ARHGEF10: variants seen among roughly 807,000 people sequenced by gnomAD.
The protein encoded by ARHGEF10 is Rho guanine nucleotide exchange factor (GEF) 10.
ARHGEF10 carries 140 observed loss-of-function variants against 147.4 expected under a neutral mutation model. The ratio of observed to expected loss-of-function variants is 0.95; its 90% CI spans 0.83 to 1.09. The LOEUF is 1.09. Among genes scored for constraint, ARHGEF10 ranks in the 50% least tolerant of loss-of-function variants. ARHGEF10 has a pLI of 0.00. For synonymous variants in ARHGEF10, 902 were observed against 695.8 expected (o/e 1.30, Z -4.67); for missense variants, 2,222 against 1,752.7 (o/e 1.27, Z -4.78).
At chr8:1,842,239 G>C (rs1275423160) in intron 1 of ARHGEF10, among the ~76,000 whole-genome samples, 1 of 152,080 alleles carries the variant, frequency 6.6e-6, no homozygotes, top group Non-Finnish European at 1.5e-5. Context: ...GGGAATACAG[G>C]AGGTGCCGCA....
intron 17 of ARHGEF10, among the ~76,000 whole-genome samples, chr8:1,908,502 G>C (rs920142939): frequency 6.6e-6 from 1 of 152,118 alleles, no homozygotes; most frequent in Non-Finnish European, 1.5e-5. Flanking sequence ...AAAGTGCTGG[G>C]ATTACAGGCG....
chr8:1,901,825 G>A (rs573744865), intron 15 of ARHGEF10, among the ~76,000 whole-genome samples: 1 of 152,092 alleles, frequency 6.6e-6, no homozygotes, highest in Non-Finnish European at 1.5e-5. Flanking sequence ...CAAATGTATA[G>A]AATAGTTTAT....
intron 28 of ARHGEF10, among the ~76,000 whole-genome samples, chr8:1,953,969 C>A (rs1274955684): frequency 6.6e-6 from 1 of 152,166 alleles, no homozygotes; most frequent in Non-Finnish European, 1.5e-5. Context: ...TTTGGCAGGT[C>A]CACCCACAAG....
chr8:1,943,484 C>T (rs1265144706), intron 26 of ARHGEF10: 3 of 152,312 alleles, frequency 2.0e-5, no homozygotes, highest in African/African-American at 7.2e-5. Flanking sequence ...CAGACCCACG[C>T]TAGAACCATC....
intron 23 of ARHGEF10, among the ~76,000 whole-genome samples, chr8:1,927,783 A>T (rs187657511): frequency 6.6e-6 from 1 of 152,286 alleles, no homozygotes; most frequent in African/African-American, 2.4e-5. Context: ...TCTACTAAGA[A>T]TGCAAAAATT....
chr8:1,882,865 G>T, intron 10 of ARHGEF10, 116 bp downstream of exon 10: 1 of 882,504 alleles, frequency 1.1e-6, no homozygotes, highest in Admixed American at 2.0e-5. Flanking sequence ...GCCTTAGGGA[G>T]CACCAGCCTG....
chr8:1,940,706 G>C (rs1274975426), intron 26 of ARHGEF10, among the ~76,000 whole-genome samples: 3 of 152,198 alleles, frequency 2.0e-5, no homozygotes, highest in Non-Finnish European at 2.9e-5. Flanking sequence ...TGTGAGCACG[G>C]ATGCAAAAAT....
chr8:1,923,146 A>T, intron 19 of ARHGEF10, 67 bp downstream of exon 19: 1 of 1,198,608 alleles, frequency 8.3e-7, no homozygotes, highest in Admixed American at 1.8e-5. Flanking sequence ...GTATGTGATT[A>T]TATCTCCAAG....
chr8:1,864,362 T>C lies in ARHGEF10; in HGVS notation c.482-11T>C. 6.2e-7 allele frequency: 1 copy of C among 1,614,116 alleles called. No homozygotes were observed. Among genetic ancestry groups the C allele is most frequent in the Non-Finnish European group, 8.5e-7 (1 of 1,179,976 alleles). On this transcript the variant is annotated splice_polypyrimidine_tract_variant and intron_variant, in intron 4 of 28. Coordinates refer to ENST00000349830, the MANE Select transcript of ARHGEF10 (RefSeq NM_014629.4). ...GCGTAAAGCAGCATCACATATTTTC[T>C]TTCCCAGCAGAAACACCAGAAGTCA...
intron 19 of ARHGEF10, 50 bp downstream of exon 19, chr8:1,923,129 A>T (rs777364559): frequency 5.3e-6 from 7 of 1,315,050 alleles, no homozygotes; most frequent in Non-Finnish European, 7.7e-6. Flanking sequence ...CTTATAAGTC[A>T]TTGTAAGTAT....
intron 3 of ARHGEF10, among the ~76,000 whole-genome samples, chr8:1,859,533 C>T (rs1012535111): frequency 3.9e-5 from 6 of 152,176 alleles, no homozygotes. Context: ...CGGTTGTTTG[C>T]ATGGCGTTTC....
At chr8:1,938,926 G>T (rs1426142166) in intron 26 of ARHGEF10, among the ~76,000 whole-genome samples, 3 of 139,398 alleles carry the variant, frequency 2.2e-5, no homozygotes, top group Non-Finnish European at 4.5e-5. Context: ...CAGAAACCCT[G>T]AACACTGTGG....
chr8:1,847,497 C>CA (rs1804647518), intron 2 of ARHGEF10, among the ~76,000 whole-genome samples: 1 of 152,050 alleles, frequency 6.6e-6, no homozygotes, highest in African/African-American at 2.4e-5. Flanking sequence ...TGTTGGTTCA[C>CA]AAAAAATCAT....
chr8:1,854,217 C>A (rs779120292), intron 2 of ARHGEF10, among the ~76,000 whole-genome samples: 1 of 152,200 alleles, frequency 6.6e-6, no homozygotes, highest in Non-Finnish European at 1.5e-5. Context: ...GAACGCCCGG[C>A]CCCATGCTCA....
intron 25 of ARHGEF10, 29 bp downstream of exon 25, chr8:1,929,472 G>A (rs747019856): frequency 1.6e-5 from 26 of 1,580,746 alleles, no homozygotes; most frequent in South Asian, 1.0e-4. Context: ...CCTCCTGGCC[G>A]GTCCTTGGGG....
At chr8:1,839,737 G>C (rs1803851355) in intron 1 of ARHGEF10, among the ~76,000 whole-genome samples, 1 of 128,626 alleles carries the variant, frequency 7.8e-6, no homozygotes, top group South Asian at 2.9e-4. Context: ...CGGTGTGGAA[G>C]CTGTCTGGTG....
At chr8:1,884,142 C>G (rs928329502) in intron 10 of ARHGEF10, among the ~76,000 whole-genome samples, 1 of 152,074 alleles carries the variant, frequency 6.6e-6, no homozygotes, top group Non-Finnish European at 1.5e-5. Flanking sequence ...GCCTGTAATC[C>G]CAGCATTTTT....
intron 7 of ARHGEF10, among the ~76,000 whole-genome samples, chr8:1,871,286 A>G (rs961131794): frequency 6.6e-6 from 1 of 152,090 alleles, no homozygotes; most frequent in African/African-American, 2.4e-5. Flanking sequence ...CTCAAAACAA[A>G]TATTAACAAA....
intron 7 of ARHGEF10, among the ~76,000 whole-genome samples, chr8:1,875,884 T>G (rs1325515480): frequency 6.6e-6 from 1 of 152,196 alleles, no homozygotes; most frequent in Non-Finnish European, 1.5e-5. Context: ...AAAGAATAAA[T>G]TTAATATTTT....
Sources: allele counts gnomAD v4.1 joint callset (sites outside exome capture counted in the v4.1 genomes callset), GRCh38; gene constraint gnomAD v4.1.1; transcripts MANE v1.5; gene names NCBI Gene and HGNC (gene_info 2026-07-23, HGNC 2026-07-21).